The following CADPS2 variants were observed in gnomAD, a reference collection of about 807,000 sequenced individuals.
CADPS2 encodes calcium-dependent secretion activator 2.
Under a neutral mutation model 172.5 loss-of-function variants are expected in CADPS2, and 93 were observed. That is an observed-to-expected ratio of 0.54 (90% CI 0.46 to 0.64). CADPS2 has a LOEUF of 0.64. Ranked by LOEUF, CADPS2 falls within the 30% of genes least tolerant of loss-of-function variation. The probability of loss-of-function intolerance (pLI) is 0.00; values close to 1 mark genes in which losing one functional copy is unlikely to be tolerated. For synonymous variants in CADPS2, 546 were observed against 555.2 expected (o/e 0.98, Z 0.23); for missense variants, 1,420 against 1,565.9 (o/e 0.91, Z 1.57).
At chr7:122,798,309 A>C (rs1796852903) in intron 1 of CADPS2, among the ~76,000 whole-genome samples, 1 of 152,172 alleles carries the variant, frequency 6.6e-6, no homozygotes, top group South Asian at 2.1e-4. Flanking sequence ...CCCTAGACCA[A>C]GGTAAAATGC....
At chr7:122,660,833 C>T (rs2080447700) in intron 3 of CADPS2, among the ~76,000 whole-genome samples, 1 of 152,064 alleles carries the variant, frequency 6.6e-6, no homozygotes, top group Admixed American at 6.6e-5. Flanking sequence ...TCACCTGAAC[C>T]CGGGAGGTGG....
chr7:122,881,544 T>C (rs762867323), intron 1 of CADPS2, among the ~76,000 whole-genome samples: 7 of 152,050 alleles, frequency 4.6e-5, no homozygotes, highest in African/African-American at 1.2e-4. Flanking sequence ...GCAGCAAATA[T>C]CACAACCCAT....
In CADPS2 at chr7:122,788,064, C is replaced by T. The variant is rs558997628; in HGVS notation, c.340-50996G>A. Among the ~76,000 whole-genome samples, 6 of 152,268 alleles carry T rather than the reference C, an allele frequency of 3.9e-5. No individual in the cohort carries two copies. In the South Asian group the frequency reaches 1.2e-3, roughly 32 times the overall value. On this transcript the variant is annotated intron_variant, in intron 1 of 29. Transcript: ENST00000449022. ...GAGACTGAGAAAGTAGAAGTTAACT[C>T]AGACAAAGAATGTAAAAATCTGCCC...
At chr7:122,676,838 ATTT>A (rs957128382) in intron 2 of CADPS2, 1 of 522,166 alleles carries the variant, frequency 1.9e-6, no homozygotes, top group African/African-American at 2.0e-5. Flanking sequence ...TGGTGACAGT[ATTT>A]TTTTTTTCCA....
intron 7 of CADPS2, among the ~76,000 whole-genome samples, chr7:122,570,948 G>A (rs569725220): frequency 4.1e-4 from 62 of 152,070 alleles, no homozygotes; most frequent in Admixed American, 1.2e-3. Context: ...ACGAGTTAAT[G>A]GGTGCAGCAC....
In CADPS2 at chr7:122,645,784, T is replaced by C. The variant is rs543372933; in HGVS notation, c.787-16456A>G. On this transcript the variant is annotated intron_variant, in intron 3 of 29. Coordinates refer to ENST00000449022, the MANE Select transcript of CADPS2 (RefSeq NM_017954.11). ...GAATATCACTGCCCCCTGCTATATA[T>C]ATGAGATATATATAAACATGAAGAT... is the stretch of plus-strand genomic sequence containing the variant. Among the ~76,000 whole-genome samples, 8 of 147,080 alleles carry C rather than the reference T, an allele frequency of 5.4e-5. No homozygotes were observed. The East Asian group carries it at 1.6e-3, about 29-fold the overall frequency.
chr7:122,847,202 T>C (rs1812225884), intron 1 of CADPS2, among the ~76,000 whole-genome samples: 1 of 152,200 alleles, frequency 6.6e-6, no homozygotes, highest in African/African-American at 2.4e-5. Flanking sequence ...TTCTCCTATC[T>C]TGGCCTCTCA....
chr7:122,544,621 G>A (rs533018674), intron 8 of CADPS2, among the ~76,000 whole-genome samples: 93 of 152,282 alleles, frequency 6.1e-4, no homozygotes, highest in African/African-American at 1.9e-3. Context: ...GGCTGATTTA[G>A]TTCTGCTTTA....
intron 1 of CADPS2, among the ~76,000 whole-genome samples, chr7:122,761,825 T>A (rs1410224190): frequency 2.2e-5 from 3 of 139,516 alleles, no homozygotes; most frequent in African/African-American, 8.4e-5. Flanking sequence ...CGAAACCACA[T>A]CTCTACTGAA....
chr7:122,507,704 C>T (rs1028459328), intron 9 of CADPS2, among the ~76,000 whole-genome samples: 1 of 152,092 alleles, frequency 6.6e-6, no homozygotes, highest in African/African-American at 2.4e-5. Context: ...TGTGAAGAAC[C>T]TATTGTTAAG....
chr7:122,560,670 C>G (rs1329541189), intron 7 of CADPS2, among the ~76,000 whole-genome samples: 5 of 152,202 alleles, frequency 3.3e-5, no homozygotes, highest in African/African-American at 1.2e-4. Context: ...GAGGGAACAT[C>G]TTTCCAGATA....
intron 2 of CADPS2, among the ~76,000 whole-genome samples, chr7:122,703,651 A>G (rs1564113863): frequency 6.6e-6 from 1 of 152,148 alleles, no homozygotes; most frequent in Non-Finnish European, 1.5e-5. Flanking sequence ...GACAAGAGAA[A>G]CACACTGTAG....
At chr7:122,798,491 T>C (rs890804862) in intron 1 of CADPS2, among the ~76,000 whole-genome samples, 1 of 152,332 alleles carries the variant, frequency 6.6e-6, no homozygotes, top group Admixed American at 6.5e-5. Flanking sequence ...TCAATGTATA[T>C]AGATGTCCTA....
At chr7:122,845,628 G>C (rs1811790594) in intron 1 of CADPS2, among the ~76,000 whole-genome samples, 1 of 152,190 alleles carries the variant, frequency 6.6e-6, no homozygotes, top group Non-Finnish European at 1.5e-5. Flanking sequence ...AGCTTGGGTT[G>C]AAAAGCCCTC....
chr7:122,853,816 C>T (rs1814391586), intron 1 of CADPS2, among the ~76,000 whole-genome samples: 1 of 152,154 alleles, frequency 6.6e-6, no homozygotes, highest in South Asian at 2.1e-4. Context: ...GAGCGAAAAG[C>T]GGATGTGGGG....
In CADPS2 at chr7:122,601,031, G is replaced by A. The variant is rs73719716; in HGVS notation, c.1223+14150C>T. On this transcript the variant is annotated intron_variant, in intron 6 of 29. Transcript: ENST00000449022. ...ATTTTTTAAATGTGGATAATGATAG[G>A]TTAAGTTTTTACATCATTAGAATCA... Among the ~76,000 whole-genome samples the A allele has an allele frequency of 7.7e-3, 1,173 of 152,084 alleles. 16 individuals are homozygous for A. Among genetic ancestry groups the A allele is most frequent in the African/African-American group, 0.027 (1,133 of 41,516 alleles).
intron 1 of CADPS2, among the ~76,000 whole-genome samples, chr7:122,848,629 T>C (rs1035991915): frequency 6.6e-6 from 1 of 152,226 alleles, no homozygotes; most frequent in Non-Finnish European, 1.5e-5. Context: ...CAGCCTCAAA[T>C]GCCTGTTTTT....
At chr7:122,605,481 G>A (rs938916254) in intron 6 of CADPS2, among the ~76,000 whole-genome samples, 5 of 151,878 alleles carry the variant, frequency 3.3e-5, no homozygotes, top group South Asian at 4.2e-4. Context: ...TCCCACCACC[G>A]ATGAAAAATA....
chr7:122,677,024 C>CAAG, intron 2 of CADPS2, among the ~76,000 whole-genome samples: 1 of 152,178 alleles, frequency 6.6e-6, no homozygotes, highest in Non-Finnish European at 1.5e-5. Context: ...GCCCTCCACA[C>CAAG]TCTGCGTACA....
Sources: gnomAD v4.1 joint callset for allele counts (sites outside exome capture counted in the v4.1 genomes callset) on GRCh38, gnomAD v4.1.1 for gene constraint, MANE v1.5 for transcripts, NCBI Gene and HGNC (gene_info 2026-07-23, HGNC 2026-07-21) for gene names.